The following MSI2 variants were observed in gnomAD, a reference collection of about 807,000 sequenced individuals.
MSI2 encodes musashi RNA binding protein 2.
A neutral mutation model predicts 45.6 loss-of-function variants in MSI2; 17 were observed. The ratio of observed to expected loss-of-function variants is 0.37; its 90% CI spans 0.26 to 0.56. The LOEUF is 0.56. MSI2 is among the 20% of genes least tolerant of loss of function. MSI2 has a pLI of 0.77. For synonymous variants in MSI2, 156 were observed against 158.2 expected, an observed-to-expected ratio of 0.99 and a Z score of 0.11; for missense variants, 293 against 444.2, an observed-to-expected ratio of 0.66 and a Z score of 3.06.
the MSI2 span, among the ~76,000 whole-genome samples, chr17:57,694,382 G>A: frequency 6.6e-6 from 1 of 152,174 alleles, no homozygotes; most frequent in African/African-American, 2.4e-5. Flanking sequence ...GGCCTTCCTT[G>A]TGTGCTTGTG....
At chr17:57,547,919 TG>T (rs2087208508) in intron 7 of MSI2, among the ~76,000 whole-genome samples, 1 of 152,088 alleles carries the variant, frequency 6.6e-6, no homozygotes, top group South Asian at 2.1e-4. Context: ...GGAGAAAGGG[TG>T]GTTGTTTGGT....
intron 7 of MSI2, among the ~76,000 whole-genome samples, chr17:57,543,625 C>T (rs2087101490): frequency 6.6e-6 from 1 of 152,170 alleles, no homozygotes; most frequent in Non-Finnish European, 1.5e-5. Context: ...AAGAGTTTTC[C>T]TGATTCAGCT....
intron 6 of MSI2, among the ~76,000 whole-genome samples, chr17:57,490,342 G>T (rs949861061): frequency 2.6e-5 from 4 of 152,194 alleles, no homozygotes; most frequent in African/African-American, 9.6e-5. Context: ...GATGAAATTT[G>T]CCAAGTGTCT....
chr17:57,472,245 G>A (rs768522728), intron 6 of MSI2, among the ~76,000 whole-genome samples: 4 of 152,248 alleles, frequency 2.6e-5, no homozygotes, highest in Admixed American at 6.5e-5. Context: ...AACACTCAGA[G>A]TGAGAGCTGG....
chr17:57,657,792 C>A (rs758062280), intron 11 of MSI2, among the ~76,000 whole-genome samples: 42 of 152,126 alleles, frequency 2.8e-4, no homozygotes, highest in Non-Finnish European at 4.6e-4. Flanking sequence ...GATCCTGGAG[C>A]TATTTGGGTC....
intron 7 of MSI2, among the ~76,000 whole-genome samples, chr17:57,587,878 A>G (rs1376015258): frequency 2.0e-5 from 3 of 152,172 alleles, no homozygotes; most frequent in Non-Finnish European, 4.4e-5. Context: ...ACACGGCTTT[A>G]ATATCATGAT....
At chr17:57,507,243 G>A (rs879907834) in intron 6 of MSI2, among the ~76,000 whole-genome samples, 41 of 137,246 alleles carry the variant, frequency 3.0e-4, no homozygotes, top group African/African-American at 1.1e-3. Flanking sequence ...GTGTGTGTGT[G>A]TGTGTGTGTG....
intron 5 of MSI2, among the ~76,000 whole-genome samples, chr17:57,360,081 C>G (rs1371423430): frequency 6.6e-6 from 1 of 152,220 alleles, no homozygotes; most frequent in African/African-American, 2.4e-5. Flanking sequence ...GGAGTGGCTG[C>G]CCAGAGCAGG....
At chr17:57,489,504 A>T (rs62058061) in intron 6 of MSI2, among the ~76,000 whole-genome samples, 2,866 of 152,298 alleles carry the variant, frequency 0.019, 56 homozygotes, top group East Asian at 0.07. Flanking sequence ...GGAATTCCAG[A>T]GTGGCCAGGG....
intron 5 of MSI2, among the ~76,000 whole-genome samples, chr17:57,385,355 A>T (rs1198556928): frequency 6.6e-6 from 1 of 152,234 alleles, no homozygotes; most frequent in African/African-American, 2.4e-5. Context: ...CTAGCAATCC[A>T]AAAGTTTAGT....
chr17:57,548,352 G>A (rs796976243), intron 7 of MSI2, among the ~76,000 whole-genome samples: 9 of 152,242 alleles, frequency 5.9e-5, no homozygotes, highest in African/African-American at 2.2e-4. Flanking sequence ...AATCAGATTT[G>A]TGTTATTGGG....
At chr17:57,317,554 A>G (rs9894712) in intron 5 of MSI2, among the ~76,000 whole-genome samples, 6,439 of 119,882 alleles carry the variant, frequency 0.054, 474 homozygotes, top group African/African-American at 0.18. Context: ...TTTGTCTCCC[A>G]GGCTGGAATG....
At chr17:57,415,333 C>G (rs146140116) in intron 6 of MSI2, among the ~76,000 whole-genome samples, 1 of 150,814 alleles carries the variant, frequency 6.6e-6, no homozygotes, top group Non-Finnish European at 1.5e-5. Context: ...TCGAATGAAC[C>G]GAATTTGCCA....
intron 11 of MSI2, among the ~76,000 whole-genome samples, chr17:57,666,281 T>G (rs1826750045): frequency 6.6e-6 from 1 of 152,230 alleles, no homozygotes; most frequent in Admixed American, 6.5e-5. Flanking sequence ...TGGACACATT[T>G]CCTAGCTGTT....
intron 8 of MSI2, chr17:57,601,781 A>G (rs1353663324): frequency 6.6e-6 from 1 of 152,242 alleles, no homozygotes; most frequent in Non-Finnish European, 1.5e-5. Context: ...ATCGGTGCTT[A>G]TAGGCACTGG....
At chr17:57,337,004 G>A (rs562793328) in intron 5 of MSI2, among the ~76,000 whole-genome samples, 1 of 152,310 alleles carries the variant, frequency 6.6e-6, no homozygotes, top group South Asian at 2.1e-4. Flanking sequence ...TTGCAGGGTT[G>A]TTTGCTGGAG....
At chr17:57,691,747 G>T in the MSI2 span, among the ~76,000 whole-genome samples, 1 of 152,074 alleles carries the variant, frequency 6.6e-6, no homozygotes, top group Non-Finnish European at 1.5e-5. Context: ...TAGATTCATT[G>T]GGACTTTCTA....
At chr17:57,293,595 G>GTTTTTTTTTTTTTTTTTTTT (rs71139983) in intron 5 of MSI2, among the ~76,000 whole-genome samples, 1 of 134,724 alleles carries the variant, frequency 7.4e-6, no homozygotes. Flanking sequence ...TTGTTTTTTT[G>GTTTTTTTTTTTTTTTTTTTT]TTTTTTTTTT....
At chr17:57,294,336 A>T (rs1057262376) in intron 5 of MSI2, among the ~76,000 whole-genome samples, 16 of 152,150 alleles carry the variant, frequency 1.1e-4, no homozygotes, top group Admixed American at 9.8e-4. Flanking sequence ...AAGTGCCGGC[A>T]GGTGCAGGGG....
Sources: allele counts gnomAD v4.1 joint callset (sites outside exome capture counted in the v4.1 genomes callset), GRCh38; gene constraint gnomAD v4.1.1; transcripts MANE v1.5; gene names NCBI Gene and HGNC (gene_info 2026-07-23, HGNC 2026-07-21).